WWOX: variants seen among roughly 807,000 people sequenced by gnomAD.
WWOX encodes WW domain-containing oxidoreductase.
WWOX carries 69 observed loss-of-function variants against 46.2 expected under a neutral mutation model. That is an observed-to-expected ratio of 1.49 (90% CI 1.23 to 1.82). WWOX has a LOEUF of 1.82. WWOX is among the 40% of genes most tolerant of loss of function. The pLI is 0.00. For missense variants in WWOX, 919 were observed against 542.6 expected, an observed-to-expected ratio of 1.69 and a Z score of -6.89; for synonymous variants, 359 against 202.6, an observed-to-expected ratio of 1.77 and a Z score of -6.56.
intron 5 of WWOX, among the ~76,000 whole-genome samples, chr16:78,190,772 G>C (rs1442105095): frequency 6.6e-6 from 1 of 152,206 alleles, no homozygotes; most frequent in African/African-American, 2.4e-5. Context: ...TAATCTTGGA[G>C]ATGACGCTGC....
Position 78,318,203 on chromosome 16 carries a change from A to G in WWOX, c.517-68657A>G, listed in dbSNP as rs1189906272. The stretch of plus-strand genomic sequence containing the variant: ...CTTTACTTCCCGGGGGCAGAGGACC[A>G]TAATTAAATGGCTGTGGAAACCCAG... On this transcript the variant is annotated intron_variant, in intron 5 of 8. Coordinates refer to ENST00000566780, the MANE Select transcript of WWOX (RefSeq NM_016373.4). Among the ~76,000 whole-genome samples the G allele has an allele frequency of 2.6e-5, 4 of 151,774 alleles. No individual in the cohort carries two copies. In the East Asian group the frequency reaches 5.8e-4, roughly 22 times the overall value.
At chr16:79,183,120 C>A (rs933444672) in intron 8 of WWOX, among the ~76,000 whole-genome samples, 1 of 152,216 alleles carries the variant, frequency 6.6e-6, no homozygotes, top group Non-Finnish European at 1.5e-5. Flanking sequence ...GCAGGTGGAA[C>A]CACACCGGGA....
chr16:78,518,285 G>A (rs944413595), intron 8 of WWOX, among the ~76,000 whole-genome samples: 1 of 152,108 alleles, frequency 6.6e-6, no homozygotes, highest in African/African-American at 2.4e-5. Context: ...AGGCTGAAGT[G>A]CAGTGGCGTG....
intron 6 of WWOX, among the ~76,000 whole-genome samples, chr16:78,411,979 G>T (rs147551357): frequency 5.3e-5 from 8 of 152,324 alleles, no homozygotes; most frequent in African/African-American, 1.9e-4. Context: ...TTGTATCACC[G>T]AGTTGGTCCT....
chr16:78,534,192 G>C (rs367713408), intron 8 of WWOX, among the ~76,000 whole-genome samples: 8 of 152,162 alleles, frequency 5.3e-5, no homozygotes, highest in African/African-American at 1.7e-4. Context: ...CTGTGGATAG[G>C]AGGCTTACCC....
In WWOX at chr16:78,672,622, G is replaced by A. The variant is rs1016108416; in HGVS notation, c.1056+239870G>A. Among the ~76,000 whole-genome samples the A allele has an allele frequency of 5.9e-5, 9 of 152,200 alleles. 1 individual carries two copies. The highest frequency in any genetic ancestry group is 3.9e-4 in the Admixed American group (6 of 15,280). On this transcript the variant is annotated intron_variant, in intron 8 of 8. Transcript: ENST00000566780. The stretch of plus-strand genomic sequence containing the variant: ...GGGTTCTTTGCAACTTGCAGAACCA[G>A]ATCTTACCATTTGCAAGGAGAATAG...
At chr16:79,200,362 G>C (rs567716452) in intron 8 of WWOX, among the ~76,000 whole-genome samples, 2 of 152,274 alleles carry the variant, frequency 1.3e-5, no homozygotes, top group African/African-American at 4.8e-5. Context: ...GCATGATTCT[G>C]GGGTGCTACA....
chr16:79,173,512 G>T (rs1286522400), intron 8 of WWOX, among the ~76,000 whole-genome samples: 2 of 152,118 alleles, frequency 1.3e-5, no homozygotes, highest in African/African-American at 4.8e-5. Context: ...CTGATGGCCT[G>T]AGAAGCAGTT....
chr16:78,358,106 T>G (rs1365079290), intron 5 of WWOX, among the ~76,000 whole-genome samples: 1 of 152,168 alleles, frequency 6.6e-6, no homozygotes, highest in African/African-American at 2.4e-5. Flanking sequence ...TGTAAAAGCA[T>G]CATGCACTAG....
intron 8 of WWOX, among the ~76,000 whole-genome samples, chr16:78,873,817 A>C (rs756726940): frequency 6.6e-6 from 1 of 151,940 alleles, no homozygotes; most frequent in South Asian, 2.1e-4. Context: ...AAATAAAACG[A>C]GATATTTGGA....
intron 8 of WWOX, among the ~76,000 whole-genome samples, chr16:78,439,427 G>A (rs926929017): frequency 2.6e-5 from 4 of 152,152 alleles, no homozygotes; most frequent in African/African-American, 9.7e-5. Context: ...CTTCTTGCAG[G>A]AAGAAACATA....
Position 78,594,495 on chromosome 16 carries a change from C to A in WWOX, c.1056+161743C>A, listed in dbSNP as rs960231024. 2.1e-5 allele frequency among the ~76,000 whole-genome samples: 3 copies of A among 139,966 alleles called. No homozygotes were observed. In the South Asian group the frequency reaches 7.3e-4, roughly 34 times the overall value. The allele number at this position is 139,966 out of a possible 152,430, so 91.8% of individuals were successfully genotyped here. A position where few individuals can be genotyped will look rare whatever the true frequency, so the allele number is the denominator to read the frequency against. On this transcript the variant is annotated intron_variant, in intron 8 of 8. Transcript: ENST00000566780. ...GCTGGTCTTGCCAGCTGGCACACAG[C>A]TTCCTCTGACCACCCTGCTAGGTAC... is the stretch of plus-strand genomic sequence containing the variant.
intron 8 of WWOX, among the ~76,000 whole-genome samples, chr16:79,015,481 CAATAA>C (rs1597279910): frequency 6.6e-6 from 1 of 152,124 alleles, no homozygotes; most frequent in Non-Finnish European, 1.5e-5. Context: ...AGTAGGTGCT[CAATAA>C]ACTATAACGT....
chr16:78,844,318 C>T (rs1555548616), intron 8 of WWOX, among the ~76,000 whole-genome samples: 3 of 152,130 alleles, frequency 2.0e-5, no homozygotes, highest in Non-Finnish European at 4.4e-5. Context: ...AAGCTTAATC[C>T]TTTTGAAACA....
chr16:78,409,791 CACA>C lies in WWOX; in HGVS notation c.606-15075_606-15073del, dbSNP rs543343648. ...CCTTTTCCAGCTTCTAAAGGTCACC[CACA>C]ACATCTTCAAAACCAGCACTGTTGC... On this transcript the variant is annotated intron_variant, in intron 6 of 8. Transcript: ENST00000566780. 2.0e-3 allele frequency among the ~76,000 whole-genome samples: 307 copies of C among 152,234 alleles called. 2 individuals are homozygous for C. The highest frequency in any genetic ancestry group is 6.7e-3 in the African/African-American group (278 of 41,534).
chr16:79,049,388 G>A (rs563738479), intron 8 of WWOX, among the ~76,000 whole-genome samples: 13 of 152,332 alleles, frequency 8.5e-5, no homozygotes, highest in African/African-American at 3.1e-4. Flanking sequence ...TGTGGATGAG[G>A]CTGCTCAGGG....
chr16:78,339,364 T>G lies in WWOX; in HGVS notation c.517-47496T>G, dbSNP rs1303694050. Among the ~76,000 whole-genome samples the G allele has an allele frequency of 8.5e-5, 7 of 82,208 alleles. 3 individuals are homozygous for G. The highest frequency in any genetic ancestry group is 1.7e-4 in the Non-Finnish European group (7 of 40,262). 53.9% of individuals were successfully genotyped at this position (82,208 alleles called of 152,430 possible). On this transcript the variant is annotated intron_variant, in intron 5 of 8. Coordinates refer to ENST00000566780, the MANE Select transcript of WWOX (RefSeq NM_016373.4). Reference sequence around the variant, plus strand: ...TTGTCTAAATCTCAGTTCCTTTTATTAGAAAAAAAAAAAAAAACAACTCCC... The same window carrying G: ...TTGTCTAAATCTCAGTTCCTTTTATGAGAAAAAAAAAAAAAAACAACTCCC...
At chr16:78,231,961 C>T (rs1407942031) in intron 5 of WWOX, among the ~76,000 whole-genome samples, 1 of 152,090 alleles carries the variant, frequency 6.6e-6, no homozygotes, top group African/African-American at 2.4e-5. Flanking sequence ...TAAGTCTTGA[C>T]TGCCTGCTAT....
intron 8 of WWOX, among the ~76,000 whole-genome samples, chr16:78,920,681 A>G (rs888520874): frequency 6.6e-6 from 1 of 152,166 alleles, no homozygotes; most frequent in Non-Finnish European, 1.5e-5. Flanking sequence ...TTTGTCTTTC[A>G]GAGAAAGTAA....
Sources: gnomAD v4.1 joint callset for allele counts (sites outside exome capture counted in the v4.1 genomes callset) on GRCh38, gnomAD v4.1.1 for gene constraint, MANE v1.5 for transcripts, NCBI Gene and HGNC (gene_info 2026-07-23, HGNC 2026-07-21) for gene names.